The following TMEM183A variants were observed in gnomAD, a reference collection of about 807,000 sequenced individuals.
The protein encoded by TMEM183A is chromosome 1 open reading frame 37.
A neutral mutation model predicts 46.7 loss-of-function variants in TMEM183A; 21 were observed. That is an observed-to-expected ratio of 0.45 (90% CI 0.32 to 0.65). The LOEUF is 0.65. TMEM183A is among the 30% of genes least tolerant of loss of function. The pLI is 0.04. For synonymous variants in TMEM183A, 165 were observed against 180.2 expected (o/e 0.92, Z 0.68); for missense variants, 331 against 481.9 (o/e 0.69, Z 2.93).
intron 3 of TMEM183A, among the ~76,000 whole-genome samples, chr1:203,014,258 G>T (rs1341845492): frequency 2.0e-5 from 3 of 152,172 alleles, no homozygotes; most frequent in Admixed American, 1.3e-4. Context: ...TTATTCCATT[G>T]AAGAATTATT....
intron 7 of TMEM183A, 107 bp from the exon 8 acceptor site, chr1:203,022,748 C>A: frequency 5.3e-6 from 7 of 1,312,512 alleles, no homozygotes; most frequent in Non-Finnish European, 7.4e-6. Context: ...AGAGATTAAT[C>A]TTGTGGCCTA....
At chr1:203,022,123 G>A (rs1299854749) in intron 7 of TMEM183A, among the ~76,000 whole-genome samples, 2 of 152,002 alleles carry the variant, frequency 1.3e-5, no homozygotes, top group African/African-American at 4.8e-5. Flanking sequence ...CTGGAGTGCC[G>A]TGGTGCGCAG....
At chr1:203,022,792 A>G in intron 7 of TMEM183A, 63 bp from the exon 8 acceptor site, 1 of 1,607,758 alleles carries the variant, frequency 6.2e-7, no homozygotes, top group Non-Finnish European at 8.5e-7. Flanking sequence ...ATTTCATTTC[A>G]GAGTGAGCTC....
chr1:203,015,695 A>C (rs1278545439), intron 4 of TMEM183A: 3 of 448,616 alleles, frequency 6.7e-6, no homozygotes, highest in Non-Finnish European at 1.2e-5. Flanking sequence ...CAGCTAAAGC[A>C]TAATATACCG....
In TMEM183A at chr1:203,021,047, T is replaced by A. The variant is rs867677608; in HGVS notation, c.945+99T>A. On this transcript the variant is annotated intron_variant, in intron 7 of 7. Transcript: ENST00000367242. ...CAGCTCTTTTTTTTTTTTTTTTTTTTAAGAGACGTGGTCTCACTCTGTCAC... is the reference window on the plus strand; with the variant it reads ...CAGCTCTTTTTTTTTTTTTTTTTTTAAAGAGACGTGGTCTCACTCTGTCAC... The A allele has an allele frequency of 9.1e-5, 102 of 1,116,710 alleles. No homozygotes were observed. In the African/African-American group the frequency reaches 1.0e-3, roughly 11 times the overall value. 69.2% of individuals were successfully genotyped at this position (1,116,710 alleles called of 1,614,324 possible). A position where few individuals can be genotyped will look rare whatever the true frequency, so the allele number is the denominator to read the frequency against.
chr1:203,021,062 C>T lies in TMEM183A; in HGVS notation c.945+114C>T, dbSNP rs573798833. Reference sequence around the variant, plus strand: ...TTTTTTTTTTTAAGAGACGTGGTCTCACTCTGTCACTCAGGCTGAAGTGCA... The same window carrying T: ...TTTTTTTTTTTAAGAGACGTGGTCTTACTCTGTCACTCAGGCTGAAGTGCA... On this transcript the variant is annotated intron_variant, in intron 7 of 7. Transcript: ENST00000367242. 178 of 1,150,698 alleles carry T rather than the reference C, an allele frequency of 1.5e-4. No homozygotes were observed. The South Asian group carries it at 3.0e-3, about 19-fold the overall frequency. 71.3% of individuals were successfully genotyped at this position (1,150,698 alleles called of 1,614,324 possible).
In TMEM183A at chr1:203,020,946, C is replaced by T. The variant is rs1657612681; in HGVS notation, c.943C>T (p.Leu315=). ...IPIVMGMIFT[L]FTINVSTDMR... is the part of the protein sequence containing the mutation. ...GATTGTCATGGGAATGATATTTACT[C>T]TGGTAAGTGGGGACTCAGGATGTCA... Residue 315 remains leucine (L), a splice_region_variant and synonymous_variant, in exon 7 of 8, where the codon CTG becomes TTG. Transcript: ENST00000367242. 1.3e-6 allele frequency: 2 copies of T among 1,584,808 alleles called. No homozygotes were observed. The highest frequency in any genetic ancestry group is 1.4e-5 in the African/African-American group (1 of 72,026).
Position 203,023,132 on chromosome 1 carries a change from G to A in TMEM183A, c.*92G>A, listed in dbSNP as rs969808699. On this transcript the variant is annotated 3_prime_UTR_variant, in exon 8 of 8. Coordinates refer to ENST00000367242, the MANE Select transcript of TMEM183A (RefSeq NM_138391.6). ...ACAGGGTGGCTGGATTGTATATCTC[G>A]TTAGTAATGTACATGCTCTTCAGGT... The A allele has an allele frequency of 1.0e-5, 7 of 677,622 alleles. No individual in the cohort carries two copies. The highest frequency in any genetic ancestry group is 4.2e-4 in the Middle Eastern group (1 of 2,396). The allele number at this position is 677,622 out of a possible 1,614,324, so 42.0% of individuals were successfully genotyped here.
Position 203,010,662 on chromosome 1 carries a change from T to C in TMEM183A, c.367+1852T>C, listed in dbSNP as rs181252567. 2.1e-4 allele frequency among the ~76,000 whole-genome samples: 32 copies of C among 152,356 alleles called. 1 individual carries two copies. The East Asian group carries it at 6.0e-3, about 28-fold the overall frequency. ...ATTCTATTAGGGATTTATCTTCTTG[T>C]TGTTTTGGACTTGTTCCACAGAATG... is the stretch of plus-strand genomic sequence containing the variant. On this transcript the variant is annotated intron_variant, in intron 3 of 7. Transcript: ENST00000367242.
intron 7 of TMEM183A, 72 bp downstream of exon 7, chr1:203,021,020 C>G (rs1174737150): frequency 1.6e-6 from 2 of 1,257,924 alleles, no homozygotes; most frequent in South Asian, 1.8e-5. Context: ...GGAGGTGAAC[C>G]GCAGCTCTTT....
chr1:203,018,364 G>A lies in TMEM183A; in HGVS notation c.709-117G>A, dbSNP rs556365343. The A allele has an allele frequency of 6.4e-5, 75 of 1,177,528 alleles. No individual in the cohort carries two copies. The East Asian group carries it at 1.4e-3, about 23-fold the overall frequency. The allele number at this position is 1,177,528 out of a possible 1,614,324, so 72.9% of individuals were successfully genotyped here. ...AAAGTAAAATCTCAGCATTGGGACCGTGGCTGGCTTTAGAGCTGTCAAACA... is the reference window on the plus strand; with the variant it reads ...AAAGTAAAATCTCAGCATTGGGACCATGGCTGGCTTTAGAGCTGTCAAACA... On this transcript the variant is annotated intron_variant, in intron 5 of 7. Coordinates refer to ENST00000367242, the MANE Select transcript of TMEM183A (RefSeq NM_138391.6).
At chr1:203,012,204 ATTT>A (rs1426800912) in intron 3 of TMEM183A, among the ~76,000 whole-genome samples, 1 of 91,440 alleles carries the variant, frequency 1.1e-5, no homozygotes, top group Non-Finnish European at 2.2e-5. Flanking sequence ...TGAAACGGCC[ATTT>A]TTACTTCAAC....
chr1:203,010,359 G>A (rs1035898046), intron 3 of TMEM183A, among the ~76,000 whole-genome samples: 2 of 152,102 alleles, frequency 1.3e-5, no homozygotes, highest in African/African-American at 4.8e-5. Flanking sequence ...ATTAAAACAG[G>A]TCGAGCATTC....
intron 3 of TMEM183A, among the ~76,000 whole-genome samples, chr1:203,012,323 T>C (rs1174240443): frequency 6.6e-6 from 1 of 150,896 alleles, no homozygotes; most frequent in African/African-American, 2.4e-5. Context: ...TCTTTGTAAA[T>C]ATTTTAGTAG....
chr1:203,022,281 C>T (rs1348650481), intron 7 of TMEM183A, among the ~76,000 whole-genome samples: 2 of 150,384 alleles, frequency 1.3e-5, no homozygotes, highest in African/African-American at 4.9e-5. Flanking sequence ...TCAGGCTGGT[C>T]TCAAACTCCT....
rs1656126889 is a variant in TMEM183A, at chr1:203,007,869, C to T, written c.199+6C>T. ...CAACGCTGTTCAGCAGGAAGGTAAG[C>T]TTTGCGCGAGCCTTTAAAGACTCAT... On this transcript the variant is annotated splice_donor_region_variant and intron_variant, in intron 2 of 7. Coordinates refer to ENST00000367242, the MANE Select transcript of TMEM183A (RefSeq NM_138391.6). 1.2e-6 allele frequency: 2 copies of T among 1,614,050 alleles called. No homozygotes were observed. The highest frequency in any genetic ancestry group is 2.2e-5 in the East Asian group (1 of 44,876).
At chr1:203,021,465 T>G (rs1440400615) in intron 7 of TMEM183A, among the ~76,000 whole-genome samples, 1 of 152,242 alleles carries the variant, frequency 6.6e-6, no homozygotes, top group African/African-American at 2.4e-5. Context: ...GTGGAGACAT[T>G]AATTATATCT....
intron 4 of TMEM183A, 114 bp from the exon 5 acceptor site, chr1:203,015,846 C>T: frequency 7.4e-7 from 1 of 1,345,124 alleles, no homozygotes; most frequent in Non-Finnish European, 1.0e-6. Context: ...AGGCTATCTA[C>T]TGGCCAGTGG....
intron 3 of TMEM183A, among the ~76,000 whole-genome samples, chr1:203,012,009 T>TG (rs951569015): frequency 6.6e-6 from 1 of 151,978 alleles, no homozygotes; most frequent in African/African-American, 2.4e-5. Context: ...TAACTCCATA[T>TG]AACTATTCCC....
Sources: gnomAD v4.1 joint callset for allele counts (sites outside exome capture counted in the v4.1 genomes callset) on GRCh38, gnomAD v4.1.1 for gene constraint, MANE v1.5 for transcripts, NCBI Gene and HGNC (gene_info 2026-07-23, HGNC 2026-07-21) for gene names.